NLRP9: variants seen among roughly 807,000 people sequenced by gnomAD.
NLRP9 encodes NACHT, LRR and PYD domains-containing protein 9.
NLRP9 carries 88 observed loss-of-function variants against 83.1 expected under a neutral mutation model. That is an observed-to-expected ratio of 1.06 (90% CI 0.89 to 1.26). The LOEUF is 1.26. NLRP9 is among the 50% of genes most tolerant of loss of function. The probability of loss-of-function intolerance (pLI) is 0.00; values close to 1 mark genes in which losing one functional copy is unlikely to be tolerated. For missense variants in NLRP9, 1,308 were observed against 1,179.3 expected (o/e 1.11, Z -1.60); for synonymous variants, 521 against 447.6 (o/e 1.16, Z -2.07).
In NLRP9 at chr19:55,708,906, T is replaced by TC; in HGVS notation, c.*5dup. ...TTGTGAGACGACTACTTCAGGGTGT[T>TC]CCCCATCAGAGGAGCACACCCCTGA... is the stretch of plus-strand genomic sequence containing the variant. On this transcript the variant is annotated 3_prime_UTR_variant, in exon 9 of 9. Transcript: ENST00000332836. The TC allele has an allele frequency of 6.5e-7, 1 of 1,533,048 alleles. No homozygotes were observed. The highest frequency in any genetic ancestry group is 1.3e-5 in the South Asian group (1 of 78,106). The allele number at this position is 1,533,048 out of a possible 1,614,324, so 95.0% of individuals were successfully genotyped here.
In NLRP9 at chr19:55,708,920, G is replaced by A. The variant is rs1304154874; in HGVS notation, c.2968C>T (p.Leu990Phe). The A allele has an allele frequency of 3.2e-6, 5 of 1,548,120 alleles. No individual in the cohort carries two copies. Among genetic ancestry groups the A allele is most frequent in the Non-Finnish European group, 3.5e-6 (4 of 1,156,416 alleles). The change falls in exon 9 of 9, where the codon CTC becomes TTC. Residue 990 changes from leucine (L) to phenylalanine (F), a missense_variant. By Grantham distance (22) the Leu-to-Phe change is conservative. Transcript: ENST00000332836. ...IDEEYKIRGV[L>F]L Reference sequence around the variant, plus strand: ...CTTCAGGGTGTTCCCCATCAGAGGAGCACACCCCTGATCTTGTATTCCTCG... The same window carrying A: ...CTTCAGGGTGTTCCCCATCAGAGGAACACACCCCTGATCTTGTATTCCTCG...
chr19:55,725,233 C>G (rs1353458052), intron 3 of NLRP9, among the ~76,000 whole-genome samples: 1 of 151,944 alleles, frequency 6.6e-6, no homozygotes, highest in Non-Finnish European at 1.5e-5. Flanking sequence ...AAATACAAAA[C>G]CAGAATATGT....
chr19:55,722,564 G>A (rs553361286), intron 4 of NLRP9, among the ~76,000 whole-genome samples: 1 of 152,294 alleles, frequency 6.6e-6, no homozygotes, highest in East Asian at 1.9e-4. Context: ...CAGTGAACTG[G>A]GAGAGAGAAG....
At chr19:55,712,242 A>G (rs754907393) in intron 7 of NLRP9, among the ~76,000 whole-genome samples, 178 bp downstream of exon 7, 78 of 152,186 alleles carry the variant, frequency 5.1e-4, no homozygotes, top group Non-Finnish European at 2.8e-4. Context: ...ATAACTCTCC[A>G]GTTTCAAACA....
intron 8 of NLRP9, chr19:55,711,532 G>T: frequency 1.6e-6 from 2 of 1,255,206 alleles, no homozygotes; most frequent in Non-Finnish European, 2.2e-6. Context: ...TGTCTCCGAG[G>T]GACTTCTGAC....
intron 1 of NLRP9, among the ~76,000 whole-genome samples, 156 bp from the exon 2 acceptor site, chr19:55,733,706 G>A (rs983292770): frequency 6.6e-6 from 1 of 152,118 alleles, no homozygotes; most frequent in Non-Finnish European, 1.5e-5. Flanking sequence ...TTCACGCCAT[G>A]ATGGGAAGTG....
chr19:55,719,807 G>T (rs1024813717), intron 4 of NLRP9, among the ~76,000 whole-genome samples: 1 of 152,136 alleles, frequency 6.6e-6, no homozygotes, highest in Non-Finnish European at 1.5e-5. Context: ...GAAGCTCAGT[G>T]AATTTTTAAG....
intron 4 of NLRP9, among the ~76,000 whole-genome samples, chr19:55,722,857 T>C (rs1352996364): frequency 6.6e-6 from 1 of 152,108 alleles, no homozygotes; most frequent in Non-Finnish European, 1.5e-5. Context: ...GGGACATGGA[T>C]GAAACCGGAA....
intron 5 of NLRP9, 90 bp from the exon 6 acceptor site, chr19:55,715,315 C>T (rs1915501055): frequency 8.9e-7 from 1 of 1,117,800 alleles, no homozygotes; most frequent in African/African-American, 1.6e-5. Flanking sequence ...ACTGAAGCTT[C>T]CTATGGTAAT....
chr19:55,734,588 CATAT>C (rs1988726833), intron 1 of NLRP9, among the ~76,000 whole-genome samples: 1 of 145,788 alleles, frequency 6.9e-6, no homozygotes, highest in African/African-American at 2.5e-5. Context: ...CATATATACA[CATAT>C]ATACATACAC....
rs146745214 is a variant in NLRP9, at chr19:55,733,140, C to G, written c.691G>C (p.Glu231Gln). The G allele has an allele frequency of 1.9e-6, 3 of 1,614,002 alleles. No homozygotes were observed. Among genetic ancestry groups the G allele is most frequent in the Non-Finnish European group, 2.5e-6 (3 of 1,180,028 alleles). Residue 231 changes from glutamate to glutamine, a missense_variant, in exon 2 of 9, where the codon GAG becomes CAG. Glu to Gln is a conservative substitution (Grantham distance 29). Transcript: ENST00000332836. ...AGTTGTAAGTTAAACTTCAGTTGCT[C>G]AAAGCCATCCATGATGAACAGAATT... is the stretch of plus-strand genomic sequence containing the variant. ...ERILFIMDGFEQLKFNLQLKA... is the reference protein window; with the variant it reads ...ERILFIMDGFQQLKFNLQLKA...
chr19:55,730,254 G>A (rs76699000), intron 2 of NLRP9, among the ~76,000 whole-genome samples: 3,304 of 152,240 alleles, frequency 0.022, 47 homozygotes, highest in Non-Finnish European at 0.033. Flanking sequence ...AGGAGTTTGA[G>A]GACGGCCTGG....
At chr19:55,711,482 A>T in intron 8 of NLRP9, 1 of 1,335,216 alleles carries the variant, frequency 7.5e-7, no homozygotes, top group Non-Finnish European at 9.8e-7. Context: ...CGTAAGTAGA[A>T]GATGTTTTAT....
At chr19:55,712,299 T>C in intron 7 of NLRP9, 121 bp downstream of exon 7, 2 of 820,400 alleles carry the variant, frequency 2.4e-6, no homozygotes, top group Non-Finnish European at 1.9e-6. Context: ...ATTTTACATA[T>C]CAGATCGTCC....
chr19:55,735,154 G>A (rs4801278), intron 1 of NLRP9, among the ~76,000 whole-genome samples: 27,174 of 152,170 alleles, frequency 0.18, 3,093 homozygotes, highest in Non-Finnish European at 0.27. Context: ...TTGCACACTC[G>A]TCTGTGGACA....
rs938314661 is a variant in NLRP9, at chr19:55,716,756, G to A, written c.2302C>T (p.His768Tyr). Residue 768 changes from histidine (H) to tyrosine (Y), a missense_variant, in exon 5 of 9, where the codon CAC becomes TAC. Transcript: ENST00000332836. The stretch of plus-strand genomic sequence containing the variant: ...AGCCTCTCCAGGGCACAGTGTGAGT[G>A]CTTCAGGGCTTCACACAGCAACGTC... ...GMTLLCEALK[H>Y]SHCALERLML... The A allele has an allele frequency of 6.2e-7, 1 of 1,613,802 alleles. No individual in the cohort carries two copies. The highest frequency in any genetic ancestry group is 8.5e-7 in the Non-Finnish European group (1 of 1,179,836).
In NLRP9 at chr19:55,708,719, G is replaced by A; in HGVS notation, c.*193C>T. ...GGATTTCTAAAGACAAGGGGATATA[G>A]GACCGAGGCAAAGACAATCAGCATG... On this transcript the variant is annotated 3_prime_UTR_variant, in exon 9 of 9. Coordinates refer to ENST00000332836, the MANE Select transcript of NLRP9 (RefSeq NM_176820.4). 2.3e-6 allele frequency: 1 copy of A among 438,318 alleles called. No individual in the cohort carries two copies. Among genetic ancestry groups the A allele is most frequent in the Non-Finnish European group, 4.1e-6 (1 of 246,664 alleles). The allele number at this position is 438,318 out of a possible 1,614,324, so 27.2% of individuals were successfully genotyped here. A position where few individuals can be genotyped will look rare whatever the true frequency, so the allele number is the denominator to read the frequency against.
chr19:55,712,001 C>T, intron 7 of NLRP9, 31 bp from the exon 8 acceptor site: 4 of 1,604,508 alleles, frequency 2.5e-6, no homozygotes, highest in East Asian at 2.2e-5. Flanking sequence ...AGAGAATCCA[C>T]TCTAGCTTTG....
At chr19:55,729,790 C>A in intron 3 of NLRP9, 41 bp downstream of exon 3, 2 of 1,551,116 alleles carry the variant, frequency 1.3e-6, no homozygotes, top group South Asian at 1.2e-5. Context: ...GAGAAGGAAA[C>A]TCTGCCATTT....
Sources: gnomAD v4.1 joint callset for allele counts (sites outside exome capture counted in the v4.1 genomes callset) on GRCh38, gnomAD v4.1.1 for gene constraint, MANE v1.5 for transcripts, NCBI Gene and HGNC (gene_info 2026-07-23, HGNC 2026-07-21) for gene names.